The following NFATC3 variants were observed in gnomAD, a reference collection of about 807,000 sequenced individuals.
The protein encoded by NFATC3 is nuclear factor of activated T cells 3.
Under a neutral mutation model 98.6 loss-of-function variants are expected in NFATC3, and 46 were observed. The ratio of observed to expected loss-of-function variants is 0.47; its 90% CI spans 0.37 to 0.60. NFATC3 has a LOEUF of 0.60. Among genes scored for constraint, NFATC3 ranks in the 20% least tolerant of loss-of-function variants. The probability of loss-of-function intolerance (pLI) is 0.00; values close to 1 mark genes in which losing one functional copy is unlikely to be tolerated. For missense variants in NFATC3, 1,256 were observed against 1,295.5 expected (o/e 0.97, Z 0.47); for synonymous variants, 512 against 472.2 (o/e 1.08, Z -1.09).
At chr16:68,099,421 C>T (rs1371234508) in intron 1 of NFATC3, among the ~76,000 whole-genome samples, 6 of 150,436 alleles carry the variant, frequency 4.0e-5, no homozygotes, top group African/African-American at 7.4e-5. Flanking sequence ...GGCGACAGAG[C>T]GAGACCCCAC....
Position 68,147,509 on chromosome 16 carries a change from C to T in NFATC3, c.1402-10360C>T, listed in dbSNP as rs141536427. On this transcript the variant is annotated intron_variant, in intron 3 of 9. Coordinates refer to ENST00000346183, the MANE Select transcript of NFATC3 (RefSeq NM_173165.3). Reference sequence around the variant, plus strand: ...GATTGAATGCCTGTAATGTGCTAGGCGCTCTGCTAGGCTCTGGAGATAACA... The same window carrying T: ...GATTGAATGCCTGTAATGTGCTAGGTGCTCTGCTAGGCTCTGGAGATAACA... Among the ~76,000 whole-genome samples, 984 of 152,182 alleles carry T rather than the reference C, an allele frequency of 6.5e-3. 3 individuals are homozygous for T. The highest frequency in any genetic ancestry group is 0.01 in the Non-Finnish European group (711 of 68,012).
intron 8 of NFATC3, among the ~76,000 whole-genome samples, chr16:68,184,433 G>A (rs7190307): frequency 0.59 from 89,513 of 151,976 alleles, 29,357 homozygotes; most frequent in African/African-American, 0.89. Context: ...GCAAAAAATG[G>A]CATGAAGTGT....
chr16:68,186,516 G>T (rs139679326), intron 8 of NFATC3, among the ~76,000 whole-genome samples: 1 of 152,020 alleles, frequency 6.6e-6, no homozygotes, highest in Non-Finnish European at 1.5e-5. Context: ...CTCCAGCCTG[G>T]GTGACAGAAC....
At chr16:68,162,581 C>T (rs1469139136) in intron 4 of NFATC3, among the ~76,000 whole-genome samples, 1 of 146,638 alleles carries the variant, frequency 6.8e-6, no homozygotes, top group African/African-American at 2.7e-5. Flanking sequence ...TTATTTCAAG[C>T]CTAAACTCTT....
At chr16:68,086,302 C>T (rs2034371328) in intron 1 of NFATC3, among the ~76,000 whole-genome samples, 1 of 152,094 alleles carries the variant, frequency 6.6e-6, no homozygotes, top group Non-Finnish European at 1.5e-5. Context: ...AAGTTTATGA[C>T]CCACAATTAA....
At chr16:68,104,667 T>C (rs551200801) in intron 1 of NFATC3, among the ~76,000 whole-genome samples, 14 of 150,834 alleles carry the variant, frequency 9.3e-5, no homozygotes, top group South Asian at 8.4e-4. Flanking sequence ...TTTTTTTTTT[T>C]TTGAAATGGA....
chr16:68,105,377 C>T (rs1216393321), intron 1 of NFATC3, among the ~76,000 whole-genome samples: 11 of 152,172 alleles, frequency 7.2e-5, no homozygotes, highest in Middle Eastern at 3.4e-3. Flanking sequence ...CCAGTACACC[C>T]GGCCCCTGAT....
At chr16:68,126,123 A>G (rs1481014048) in intron 2 of NFATC3, among the ~76,000 whole-genome samples, 4 of 152,120 alleles carry the variant, frequency 2.6e-5, no homozygotes, top group African/African-American at 7.2e-5. Context: ...ACCTCAGGTA[A>G]TCTGCCCACC....
intron 4 of NFATC3, among the ~76,000 whole-genome samples, chr16:68,158,665 TTTC>T (rs1567525733): frequency 6.6e-6 from 1 of 152,128 alleles, no homozygotes; most frequent in Non-Finnish European, 1.5e-5. Flanking sequence ...AAGCAAGTTT[TTTC>T]TTCTTTGCCG....
intron 9 of NFATC3, chr16:68,192,224 AAAAAAAATAT>A (rs2040443691): frequency 3.0e-5 from 2 of 67,076 alleles, no homozygotes; most frequent in Non-Finnish European, 3.0e-5. Flanking sequence ...AAAAAAAAAA[AAAAAAAATAT>A]ATATATATAT....
At chr16:68,170,455 C>T (rs1290590185) in intron 5 of NFATC3, among the ~76,000 whole-genome samples, 2 of 146,042 alleles carry the variant, frequency 1.4e-5, no homozygotes, top group Admixed American at 6.8e-5. Flanking sequence ...TGTAATATTA[C>T]TATTTATATA....
intron 6 of NFATC3, among the ~76,000 whole-genome samples, chr16:68,177,314 G>T (rs1411700255): frequency 6.6e-6 from 1 of 152,122 alleles, no homozygotes; most frequent in Non-Finnish European, 1.5e-5. Flanking sequence ...GCCTCCCAAA[G>T]TCCTTGGATT....
intron 9 of NFATC3, among the ~76,000 whole-genome samples, chr16:68,216,366 A>G (rs921548506): frequency 2.0e-4 from 31 of 152,206 alleles, no homozygotes; most frequent in Non-Finnish European, 4.4e-4. Flanking sequence ...TTTTGCTGAT[A>G]GAAAAGAGTA....
intron 8 of NFATC3, among the ~76,000 whole-genome samples, chr16:68,184,991 T>A (rs12448991): frequency 0.12 from 18,412 of 151,764 alleles, 1,258 homozygotes; most frequent in South Asian, 0.2. Context: ...TTATTTATTT[T>A]TTTTTTTTGA....
At chr16:68,192,253 A>ATG (rs1567543077) in intron 9 of NFATC3, 3 of 97,878 alleles carry the variant, frequency 3.1e-5, no homozygotes, top group South Asian at 3.4e-4. Flanking sequence ...ATATATATAT[A>ATG]TGTATGTGTA....
chr16:68,188,280 A>G (rs1818239649), intron 8 of NFATC3, among the ~76,000 whole-genome samples: 2 of 152,028 alleles, frequency 1.3e-5, no homozygotes, highest in South Asian at 4.1e-4. Flanking sequence ...GTCAGCAGCC[A>G]TCGTTTGAGT....
At chr16:68,180,623 T>C (rs980961902) in intron 6 of NFATC3, among the ~76,000 whole-genome samples, 2 of 152,320 alleles carry the variant, frequency 1.3e-5, no homozygotes, top group Middle Eastern at 6.8e-3. Context: ...TTACATTAGA[T>C]ATATCTCCTA....
At chr16:68,224,502 C>T (rs2041974508) in intron 9 of NFATC3, among the ~76,000 whole-genome samples, 1 of 151,558 alleles carries the variant, frequency 6.6e-6, no homozygotes, top group Non-Finnish European at 1.5e-5. Flanking sequence ...GTCTTGAACT[C>T]CTGACCTTGT....
intron 3 of NFATC3, among the ~76,000 whole-genome samples, chr16:68,127,059 A>C (rs1397453273): frequency 4.6e-5 from 7 of 152,004 alleles, no homozygotes; most frequent in African/African-American, 1.7e-4. Context: ...CTAAAAATAC[A>C]AAAATGAGCA....
Sources: gnomAD v4.1 joint callset for allele counts (sites outside exome capture counted in the v4.1 genomes callset) on GRCh38, gnomAD v4.1.1 for gene constraint, MANE v1.5 for transcripts, NCBI Gene and HGNC (gene_info 2026-07-23, HGNC 2026-07-21) for gene names.